Variants in TRAPPC9 observed in about 807,000 individuals in gnomAD.
The protein encoded by TRAPPC9 is trafficking protein particle complex subunit 9, also known as IKK2 binding protein.
Under a neutral mutation model 124.0 loss-of-function variants are expected in TRAPPC9, and 83 were observed. The ratio of observed to expected loss-of-function variants is 0.67; its 90% CI spans 0.56 to 0.80. The LOEUF is 0.80. Among genes scored for constraint, TRAPPC9 ranks in the 30% least tolerant of loss-of-function variants. The pLI is 0.00. For missense variants in TRAPPC9, 1,302 were observed against 1,508.3 expected, an observed-to-expected ratio of 0.86 and a Z score of 2.27; for synonymous variants, 638 against 617.5, an observed-to-expected ratio of 1.03 and a Z score of -0.49.
rs377346045 is a variant in TRAPPC9, at chr8:140,056,475, G to C, written c.2557-32396C>G. On this transcript the variant is annotated intron_variant, in intron 17 of 22. Transcript: ENST00000438773. ...ATGGTACTGACTGACAGACATATGA[G>C]ATCAATGGAATAAAGGGCTCAGAAA... Among the ~76,000 whole-genome samples, 4 of 151,602 alleles carry C rather than the reference G, an allele frequency of 2.6e-5. No homozygotes were observed. The East Asian group carries it at 5.8e-4, about 22-fold the overall frequency.
intron 17 of TRAPPC9, among the ~76,000 whole-genome samples, chr8:140,164,968 C>T (rs2130909988): frequency 6.6e-6 from 1 of 152,328 alleles, no homozygotes; most frequent in Non-Finnish European, 1.5e-5. Context: ...GGCCACAATA[C>T]CTGGCCTTGC....
chr8:140,184,619 T>C (rs1339694909), intron 17 of TRAPPC9, among the ~76,000 whole-genome samples: 4 of 152,088 alleles, frequency 2.6e-5, no homozygotes, highest in African/African-American at 9.7e-5. Flanking sequence ...TTTTGTTTTG[T>C]TTTATTTTTA....
chr8:140,311,569 C>T (rs1022198471), intron 9 of TRAPPC9, among the ~76,000 whole-genome samples, 195 bp from the exon 10 acceptor site: 2 of 152,168 alleles, frequency 1.3e-5, no homozygotes, highest in Non-Finnish European at 2.9e-5. Context: ...GGCACTGCTC[C>T]TCTTAAGGGC....
chr8:140,214,338 G>C (rs1253896188), intron 17 of TRAPPC9, among the ~76,000 whole-genome samples: 2 of 152,206 alleles, frequency 1.3e-5, no homozygotes, highest in Non-Finnish European at 2.9e-5. Flanking sequence ...GCCCACAGCT[G>C]ATGTGGGCAA....
intron 16 of TRAPPC9, among the ~76,000 whole-genome samples, chr8:140,245,546 G>A (rs185002704): frequency 1.3e-4 from 20 of 151,376 alleles, no homozygotes; most frequent in African/African-American, 4.2e-4. Context: ...TTAAATGTAC[G>A]GGGTCAGCAG....
chr8:140,188,414 C>G (rs1002965211), intron 17 of TRAPPC9, among the ~76,000 whole-genome samples: 1 of 152,216 alleles, frequency 6.6e-6, no homozygotes, highest in Non-Finnish European at 1.5e-5. Context: ...TAACATCTCC[C>G]TCCTCTGAAC....
chr8:139,879,905 C>T (rs965453350), intron 21 of TRAPPC9, among the ~76,000 whole-genome samples: 2 of 152,164 alleles, frequency 1.3e-5, no homozygotes, highest in Non-Finnish European at 2.9e-5. Context: ...TCAGGGCACT[C>T]GGCCAACTTG....
intron 17 of TRAPPC9, among the ~76,000 whole-genome samples, chr8:140,137,088 C>T (rs529057272): frequency 6.6e-6 from 1 of 152,172 alleles, no homozygotes; most frequent in East Asian, 1.9e-4. Context: ...CAGGAAAAAG[C>T]GGGGAGAGGG....
At chr8:140,130,517 TG>T (rs2061188511) in intron 17 of TRAPPC9, among the ~76,000 whole-genome samples, 2 of 152,286 alleles carry the variant, frequency 1.3e-5, no homozygotes, top group South Asian at 4.1e-4. Context: ...ATTATAATCT[TG>T]AAAAATATCA....
At chr8:140,301,421 T>C (rs2065972822) in intron 10 of TRAPPC9, among the ~76,000 whole-genome samples, 1 of 152,198 alleles carries the variant, frequency 6.6e-6, no homozygotes, top group South Asian at 2.1e-4. Flanking sequence ...ATTACTATTG[T>C]CTCCATGTCA....
intron 1 of TRAPPC9, among the ~76,000 whole-genome samples, chr8:140,455,691 AGTGCTGGG>A (rs2071634190): frequency 2.0e-5 from 3 of 151,088 alleles, no homozygotes; most frequent in Admixed American, 6.6e-5. Context: ...GGCCTCCCAA[AGTGCTGGG>A]ATTACAGGCG....
At chr8:140,227,219 G>A (rs1185452797) in intron 16 of TRAPPC9, among the ~76,000 whole-genome samples, 2 of 152,098 alleles carry the variant, frequency 1.3e-5, no homozygotes, top group Non-Finnish European at 2.9e-5. Context: ...ATCACTGGGC[G>A]CGCCTGGGAA....
chr8:140,076,290 G>A (rs527327925), intron 17 of TRAPPC9, among the ~76,000 whole-genome samples: 2 of 152,316 alleles, frequency 1.3e-5, no homozygotes, highest in Admixed American at 1.3e-4. Context: ...GAAAAGAGCT[G>A]CCCTCCCCTG....
At chr8:139,755,460 G>A (rs1293314004) in intron 21 of TRAPPC9, among the ~76,000 whole-genome samples, 14 of 145,966 alleles carry the variant, frequency 9.6e-5, no homozygotes, top group Admixed American at 1.4e-4. Context: ...CCAGGGTTTC[G>A]GGATGAGGAC....
intron 17 of TRAPPC9, among the ~76,000 whole-genome samples, chr8:140,172,840 T>A (rs575691461): frequency 6.6e-6 from 1 of 152,350 alleles, no homozygotes; most frequent in Non-Finnish European, 1.5e-5. Flanking sequence ...GTGAGATTCC[T>A]TTGACCATGG....
intron 19 of TRAPPC9, among the ~76,000 whole-genome samples, chr8:139,952,892 C>T (rs758211837): frequency 4.6e-5 from 7 of 152,210 alleles, no homozygotes; most frequent in Non-Finnish European, 1.0e-4. Flanking sequence ...ACACACTTTA[C>T]AGATGTGGAA....
chr8:140,398,883 C>T (rs1466744289), intron 6 of TRAPPC9, among the ~76,000 whole-genome samples: 1 of 152,252 alleles, frequency 6.6e-6, no homozygotes, highest in Non-Finnish European at 1.5e-5. Context: ...CAGTCCCTCC[C>T]ATCACAGGCC....
intron 21 of TRAPPC9, among the ~76,000 whole-genome samples, chr8:139,738,223 G>C (rs1818329498): frequency 6.6e-6 from 1 of 152,208 alleles, no homozygotes; most frequent in Non-Finnish European, 1.5e-5. Flanking sequence ...CCGTGGTAGG[G>C]GGGTCATGAG....
rs1273441406 is a variant in TRAPPC9 at position 140,097,663 on chromosome 8, T to G, written c.2557-73584A>C. 1 of 152,130 alleles carries G rather than the reference T, an allele frequency of 6.6e-6. No homozygotes were observed. The allele number at this position is 152,130 out of a possible 1,614,324, so 9.4% of individuals were successfully genotyped here. On this transcript the variant is annotated intron_variant, in intron 17 of 22. Coordinates refer to ENST00000438773, the MANE Select transcript of TRAPPC9 (RefSeq NM_001160372.4). The surrounding 1 kb of genome is among the most constrained non-coding windows in gnomAD (Gnocchi z 4.2). ...AAGAATGCCCAGCTGGATCTTGGGG[T>G]GCACAGCCCCAGCTGTGCCGCTGTC...
Sources: allele counts gnomAD v4.1 joint callset (sites outside exome capture counted in the v4.1 genomes callset), GRCh38; gene constraint gnomAD v4.1.1; non-coding constraint Gnocchi (gnomAD v3.1); transcripts MANE v1.5; gene names NCBI Gene and HGNC (gene_info 2026-07-23, HGNC 2026-07-21).